Variants in DLC1 observed in about 807,000 individuals in gnomAD.
DLC1 encodes DLC1 Rho GTPase activating protein.
In DLC1, 54 loss-of-function variants were observed where a neutral mutation model predicts 140.3. The observed-to-expected ratio is 0.38, with a 90% confidence interval of 0.31 to 0.48. The LOEUF (loss-of-function observed/expected upper bound fraction) is 0.48, where lower values mean the gene tolerates loss of function less well. Among genes scored for constraint, DLC1 ranks in the 20% least tolerant of loss-of-function variants. The probability of loss-of-function intolerance (pLI) is 0.96; values close to 1 mark genes in which losing one functional copy is unlikely to be tolerated. For missense variants in DLC1, 2,536 were observed against 1,907.0 expected (o/e 1.33, Z -6.14); for synonymous variants, 986 against 728.1 (o/e 1.35, Z -5.70).
intron 1 of DLC1, among the ~76,000 whole-genome samples, chr8:13,553,051 T>C (rs1042765050): frequency 2.0e-5 from 3 of 151,286 alleles, no homozygotes; most frequent in African/African-American, 7.3e-5. Flanking sequence ...GCTTACAAAA[T>C]ATTAGTTTCA....
At chr8:13,096,813 G>C (rs1307921048) in intron 10 of DLC1, among the ~76,000 whole-genome samples, 1 of 152,208 alleles carries the variant, frequency 6.6e-6, no homozygotes, top group Non-Finnish European at 1.5e-5. Context: ...TTGCTACAGA[G>C]TGCTACTAAT....
At chr8:13,546,825 T>A (rs548658389) in intron 1 of DLC1, among the ~76,000 whole-genome samples, 69 of 152,240 alleles carry the variant, frequency 4.5e-4, no homozygotes, top group African/African-American at 1.6e-3. Flanking sequence ...CAATCACGGT[T>A]TCTGTCATAA....
At position 13,299,568 on chromosome 8, in the gene DLC1, G is replaced by A. The variant is rs1420979148; in HGVS notation, c.1348+5701C>T. 2.1e-5 allele frequency among the ~76,000 whole-genome samples: 3 copies of A among 145,788 alleles called. No homozygotes were observed. In the East Asian group the frequency reaches 6.1e-4, roughly 30 times the overall value. ...CATCTGGTGCCAGTTGCATGCCACA[G>A]ACCTAGGCAGAAGATGAAAGCAGAG... On this transcript the variant is annotated intron_variant, in intron 5 of 17. Transcript: ENST00000276297.
intron 1 of DLC1, among the ~76,000 whole-genome samples, chr8:13,600,313 A>C (rs1355936145): frequency 6.6e-6 from 1 of 151,940 alleles, no homozygotes. Context: ...AAGTAAGAAG[A>C]GACCAGTTAA....
At chr8:13,565,271 C>G (rs962954099) in intron 1 of DLC1, among the ~76,000 whole-genome samples, 1 of 152,114 alleles carries the variant, frequency 6.6e-6, no homozygotes, top group Non-Finnish European at 1.5e-5. Flanking sequence ...CAGATTACCC[C>G]AGACATTTGG....
chr8:13,398,529 C>CTCG (rs1465803413), intron 3 of DLC1, among the ~76,000 whole-genome samples: 4 of 149,022 alleles, frequency 2.7e-5, no homozygotes, highest in African/African-American at 7.4e-5. Context: ...CATTGGGAGG[C>CTCG]CGAGGTGTGA....
chr8:13,506,060 T>G (rs1049817098), intron 1 of DLC1, among the ~76,000 whole-genome samples: 3 of 144,216 alleles, frequency 2.1e-5, no homozygotes, highest in Admixed American at 6.9e-5. Flanking sequence ...TATATGTGTG[T>G]GTGTATATAT....
chr8:13,402,985 A>G (rs1401132285), intron 2 of DLC1, among the ~76,000 whole-genome samples: 1 of 152,212 alleles, frequency 6.6e-6, no homozygotes, highest in Non-Finnish European at 1.5e-5. Context: ...AATTTTTCAG[A>G]CAATCAATTA....
intron 4 of DLC1, among the ~76,000 whole-genome samples, chr8:13,346,133 A>C (rs1305459977): frequency 6.6e-6 from 1 of 152,318 alleles, no homozygotes; most frequent in Non-Finnish European, 1.5e-5. Flanking sequence ...TTCAGAAATT[A>C]TTACTTACTT....
At chr8:13,255,214 GC>G (rs796630105) in intron 5 of DLC1, among the ~76,000 whole-genome samples, 20 of 152,080 alleles carry the variant, frequency 1.3e-4, no homozygotes, top group African/African-American at 4.6e-4. Flanking sequence ...CAAGTGATCT[GC>G]CCACCTAGGC....
chr8:13,443,308 C>A (rs1798620185), intron 2 of DLC1, among the ~76,000 whole-genome samples: 1 of 140,504 alleles, frequency 7.1e-6, no homozygotes. Context: ...ACATATGTAA[C>A]TAACCTGCAC....
intron 1 of DLC1, among the ~76,000 whole-genome samples, chr8:13,501,267 CA>C (rs368892969): frequency 5.1e-4 from 78 of 152,194 alleles, no homozygotes; most frequent in Middle Eastern, 3.4e-3. Flanking sequence ...GCTTAGAATA[CA>C]AACACATACC....
chr8:13,199,977 C>T (rs941220253), intron 5 of DLC1, among the ~76,000 whole-genome samples: 2 of 152,088 alleles, frequency 1.3e-5, no homozygotes, highest in East Asian at 3.8e-4. Context: ...GTATGCTAGG[C>T]AATGTTCTGA....
At chr8:13,289,723 C>T (rs1831685520) in intron 5 of DLC1, among the ~76,000 whole-genome samples, 1 of 152,158 alleles carries the variant, frequency 6.6e-6, no homozygotes, top group Non-Finnish European at 1.5e-5. Flanking sequence ...AGGGGGTATA[C>T]AACGCTAGAG....
At chr8:13,582,880 A>C (rs1233787275) in intron 1 of DLC1, among the ~76,000 whole-genome samples, 1 of 23,412 alleles carries the variant, frequency 4.3e-5, no homozygotes, top group East Asian at 1.2e-3. Flanking sequence ...ACTGTGGTCT[A>C]TATATATATA....
rs1335078843 is a variant in DLC1 at position 13,500,135 on chromosome 8, T to G, written c.-64A>C. 4 of 1,361,776 alleles carry G rather than the reference T, an allele frequency of 2.9e-6. No individual in the cohort carries two copies. Among genetic ancestry groups the G allele is most frequent in the Non-Finnish European group, 4.0e-6 (4 of 995,214 alleles). 84.4% of individuals were successfully genotyped at this position (1,361,776 alleles called of 1,614,324 possible). On this transcript the variant is annotated 5_prime_UTR_variant, in exon 2 of 18. Transcript: ENST00000276297. ...ATATGAGGGTAAAGGAGATGGAACTTGATGAAAGATTATTTCAAAATCACC... is the reference window on the plus strand; with the variant it reads ...ATATGAGGGTAAAGGAGATGGAACTGGATGAAAGATTATTTCAAAATCACC...
chr8:13,427,234 A>G lies in DLC1; in HGVS notation c.1024-25615T>C, dbSNP rs998233371. The stretch of plus-strand genomic sequence containing the variant: ...TTTCCCAAACTGTCATTGACTATCA[A>G]TGCATTGCCCCATGCCTCCAAGATT... On this transcript the variant is annotated intron_variant, in intron 2 of 17. Transcript: ENST00000276297. Among the ~76,000 whole-genome samples the G allele has an allele frequency of 5.3e-5, 8 of 152,224 alleles. No homozygotes were observed. In the East Asian group the frequency reaches 7.7e-4, roughly 15 times the overall value.
Position 13,085,791 on chromosome 8 carries a change from C to G in DLC1, c.*20G>C. 1 of 1,613,874 alleles carries G rather than the reference C, an allele frequency of 6.2e-7. No individual in the cohort carries two copies. The highest frequency in any genetic ancestry group is 1.1e-5 in the South Asian group (1 of 91,070). ...GAAACAAACACCATGGTGGTGGAAG[C>G]GGTTGCGTTGCTTCAGTGATCACCT... On this transcript the variant is annotated 3_prime_UTR_variant, in exon 18 of 18. Coordinates refer to ENST00000276297, the MANE Select transcript of DLC1 (RefSeq NM_182643.3).
rs143470405 is a variant in DLC1 at position 13,550,740 on chromosome 8, T to C, written c.-125-50544A>G. 5.6e-3 allele frequency among the ~76,000 whole-genome samples: 857 copies of C among 152,216 alleles called. 10 individuals are homozygous for C. Among genetic ancestry groups the C allele is most frequent in the African/African-American group, 0.019 (806 of 41,552 alleles). On this transcript the variant is annotated intron_variant, in intron 1 of 1. Transcript: ENST00000631382. ...CGAATCATTTAAGAAGACCAGTTAC[T>C]GCAGTTACTACTGGAATCAAGCTAC...
Sources: allele counts gnomAD v4.1 joint callset (sites outside exome capture counted in the v4.1 genomes callset), GRCh38; gene constraint gnomAD v4.1.1; transcripts MANE v1.5; gene names NCBI Gene and HGNC (gene_info 2026-07-23, HGNC 2026-07-21).